Variants in ANO3 observed in about 807,000 individuals in gnomAD.
ANO3 encodes the protein anoctamin 3.
In ANO3, 99 loss-of-function variants were observed where a neutral mutation model predicts 144.8. That is an observed-to-expected ratio of 0.68 (90% CI 0.58 to 0.81). The LOEUF is 0.81. Ranked by LOEUF, ANO3 falls within the 30% of genes least tolerant of loss-of-function variation. ANO3 has a pLI of 0.00. For synonymous variants in ANO3, 414 were observed against 392.6 expected (o/e 1.05, Z -0.64); for missense variants, 905 against 1,202.2 (o/e 0.75, Z 3.66).
chr11:26,424,285 CTA>C lies in ANO3; in HGVS notation c.47-17629_47-17628del. On this transcript the variant is annotated intron_variant, in intron 1 of 26. Transcript: ENST00000256737. ...CACACACATACACATAAACACATTT[CTA>C]TATGTCAGTTTTTTTTTCATTTTTC... 1.4e-5 allele frequency among the ~76,000 whole-genome samples: 2 copies of C among 144,494 alleles called. 1 individual carries two copies. The highest frequency in any genetic ancestry group is 3.9e-4 in the East Asian group (2 of 5,066). 94.8% of individuals were successfully genotyped at this position (144,494 alleles called of 152,430 possible).
intron 1 of ANO3, among the ~76,000 whole-genome samples, chr11:26,412,211 A>AAATT: frequency 6.6e-6 from 1 of 151,990 alleles, no homozygotes. Flanking sequence ...AGGCAATTTC[A>AAATT]TTAGGCTATC....
chr11:26,456,276 A>G (rs1027769485), intron 3 of ANO3, among the ~76,000 whole-genome samples: 5 of 152,330 alleles, frequency 3.3e-5, no homozygotes, highest in Admixed American at 1.3e-4. Context: ...CTACCATCAG[A>G]GTGAACAGGC....
At chr11:26,298,846 C>T (rs1854152548) in intron 1 of ANO3, among the ~76,000 whole-genome samples, 1 of 152,086 alleles carries the variant, frequency 6.6e-6, no homozygotes, top group Admixed American at 6.6e-5. Context: ...TGGCCCCAAG[C>T]TTTTCTCCAT....
chr11:26,444,147 G>T (rs967652219), intron 3 of ANO3, among the ~76,000 whole-genome samples: 1 of 152,086 alleles, frequency 6.6e-6, no homozygotes, highest in Admixed American at 6.6e-5. Context: ...TTGACACTCA[G>T]AATTTAGAAT....
At chr11:26,434,989 C>G (rs528445979) in intron 1 of ANO3, among the ~76,000 whole-genome samples, 2 of 152,142 alleles carry the variant, frequency 1.3e-5, no homozygotes, top group South Asian at 2.1e-4. Context: ...TAATTTTCTG[C>G]CTTAATGATC....
intron 1 of ANO3, among the ~76,000 whole-genome samples, chr11:26,245,018 T>TGTGTGTGTGTGTGTGCGCGCGC (rs151031559): frequency 2.1e-5 from 3 of 145,324 alleles, no homozygotes; most frequent in Non-Finnish European, 4.5e-5. Flanking sequence ...TGTGTGTGTG[T>TGTGTGTGTGTGTGTGCGCGCGC]GTGCATGCAT....
intron 1 of ANO3, among the ~76,000 whole-genome samples, chr11:26,260,903 C>T (rs1260449598): frequency 6.6e-6 from 1 of 152,020 alleles, no homozygotes; most frequent in African/African-American, 2.4e-5. Context: ...TGGGAAGGCT[C>T]TTTAAAATGA....
At chr11:26,426,604 C>A (rs2134004783) in intron 1 of ANO3, among the ~76,000 whole-genome samples, 1 of 152,218 alleles carries the variant, frequency 6.6e-6, no homozygotes, top group Admixed American at 6.5e-5. Flanking sequence ...TATGGTTTGC[C>A]CATACTTCGT....
intron 4 of ANO3, among the ~76,000 whole-genome samples, chr11:26,463,813 G>C (rs192234744): frequency 6.6e-6 from 1 of 151,662 alleles, no homozygotes; most frequent in Non-Finnish European, 1.5e-5. Flanking sequence ...AATGGATGCT[G>C]CTTCTTTTCA....
At position 26,661,618 on chromosome 11, in the gene ANO3, TTTATG is replaced by T. The variant is rs1385174359; in HGVS notation, c.*1179_*1183del. ...TTCTTTTTTCATGACTGAAGGGAGT[TTTATG>T]TTATTATTTCTTCCATAGTTTTGTT... is the stretch of plus-strand genomic sequence containing the variant. On this transcript the variant is annotated 3_prime_UTR_variant, in exon 27 of 27. Coordinates refer to ENST00000256737, the MANE Select transcript of ANO3 (RefSeq NM_031418.4). The T allele has an allele frequency of 7.9e-5, 12 of 152,218 alleles. No homozygotes were observed. Among genetic ancestry groups the T allele is most frequent in the African/African-American group, 2.9e-4 (12 of 41,454 alleles). 9.4% of individuals were successfully genotyped at this position (152,218 alleles called of 1,614,324 possible).
intron 1 of ANO3, among the ~76,000 whole-genome samples, chr11:26,358,195 T>TG (rs1855835303): frequency 8.1e-6 from 1 of 124,094 alleles, no homozygotes; most frequent in African/African-American, 3.1e-5. Flanking sequence ...TTTTTTGAGA[T>TG]GGAGTCTCAC....
intron 1 of ANO3, among the ~76,000 whole-genome samples, chr11:26,282,201 A>C (rs535847443): frequency 6.6e-6 from 1 of 152,206 alleles, no homozygotes; most frequent in Admixed American, 6.5e-5. Context: ...GATGCTGTTC[A>C]TATCATGGAG....
At chr11:26,561,266 C>G in intron 14 of ANO3, 1 of 1,459,416 alleles carries the variant, frequency 6.9e-7, no homozygotes, top group Non-Finnish European at 9.2e-7. Flanking sequence ...CAGTGATACT[C>G]TGAAAGATTC....
chr11:26,638,323 C>T (rs1002462301), intron 20 of ANO3, among the ~76,000 whole-genome samples: 10 of 152,176 alleles, frequency 6.6e-5, no homozygotes, highest in African/African-American at 9.7e-5. Context: ...ATCCCTGATA[C>T]GATGTGAGGA....
At chr11:26,454,823 A>G (rs1859088270) in intron 3 of ANO3, among the ~76,000 whole-genome samples, 1 of 152,064 alleles carries the variant, frequency 6.6e-6, no homozygotes, top group South Asian at 2.1e-4. Flanking sequence ...AAAAATCCTC[A>G]ATAAAGTACT....
chr11:26,346,820 A>G (rs1855508240), intron 1 of ANO3, among the ~76,000 whole-genome samples: 1 of 152,194 alleles, frequency 6.6e-6, no homozygotes, highest in South Asian at 2.1e-4. Context: ...CTGTTTGCCA[A>G]TCATTTTTAT....
At chr11:26,614,101 G>A (rs1393691821) in intron 17 of ANO3, among the ~76,000 whole-genome samples, 3 of 152,224 alleles carry the variant, frequency 2.0e-5, no homozygotes, top group African/African-American at 7.2e-5. Flanking sequence ...GCTGCTGCAG[G>A]ACCCGCTTTC....
At chr11:26,458,803 T>A (rs997796065) in intron 3 of ANO3, among the ~76,000 whole-genome samples, 1 of 152,078 alleles carries the variant, frequency 6.6e-6, no homozygotes, top group Admixed American at 6.6e-5. Context: ...TAGGAGGAGA[T>A]AGATATAACA....
At chr11:26,530,858 A>G (rs548893226) in intron 7 of ANO3, among the ~76,000 whole-genome samples, 1 of 152,270 alleles carries the variant, frequency 6.6e-6, no homozygotes, top group South Asian at 2.1e-4. Context: ...ACAGAGCGAG[A>G]CTGTCTCAAA....
Sources: gnomAD v4.1 joint callset for allele counts (sites outside exome capture counted in the v4.1 genomes callset) on GRCh38, gnomAD v4.1.1 for gene constraint, MANE v1.5 for transcripts, NCBI Gene and HGNC (gene_info 2026-07-23, HGNC 2026-07-21) for gene names.